Variants in TMPRSS15 observed in about 807,000 individuals in gnomAD.
TMPRSS15 encodes the protein enteropeptidase.
Under a neutral mutation model 125.3 loss-of-function variants are expected in TMPRSS15, and 128 were observed. That is an observed-to-expected ratio of 1.02 (90% confidence interval 0.89 to 1.18). The LOEUF (loss-of-function observed/expected upper bound fraction) is 1.18. Ranked by LOEUF, TMPRSS15 falls within the 50% of genes most tolerant of loss-of-function variation. The pLI, the probability that TMPRSS15 is intolerant of heterozygous loss-of-function variation, is 0.00. For synonymous variants in TMPRSS15, 446 were observed against 423.2 expected, an observed-to-expected ratio of 1.05 and a Z score of -0.66; for missense variants, 1,283 against 1,212.7, an observed-to-expected ratio of 1.06 and a Z score of -0.86.
At chr21:18,396,850 CT>C (rs1324236713) in intron 3 of TMPRSS15, among the ~76,000 whole-genome samples, 2 of 149,224 alleles carry the variant, frequency 1.3e-5, no homozygotes, top group Admixed American at 6.7e-5. Context: ...ATCTATCTAT[CT>C]TAAGTCACAA....
intron 12 of TMPRSS15, among the ~76,000 whole-genome samples, chr21:18,342,998 C>G (rs895942739): frequency 3.3e-5 from 5 of 152,138 alleles, no homozygotes; most frequent in African/African-American, 1.2e-4. Context: ...ATTAATTCAC[C>G]TTAATGTGAA....
upstream of TMPRSS15, among the ~76,000 whole-genome samples, chr21:18,406,368 A>G (rs1400894994): frequency 6.6e-6 from 1 of 152,200 alleles, no homozygotes; most frequent in Non-Finnish European, 1.5e-5. Context: ...CATCCAGGGA[A>G]GCTGACTTCA....
At chr21:18,425,568 GTGA>G (rs1238046079) in intron 1 of TMPRSS15, among the ~76,000 whole-genome samples, 3 of 152,108 alleles carry the variant, frequency 2.0e-5, no homozygotes, top group African/African-American at 7.2e-5. Flanking sequence ...GTCCATTTCT[GTGA>G]TGGTCTTACA....
At chr21:18,451,940 C>T (rs937968904) in intron 1 of TMPRSS15, among the ~76,000 whole-genome samples, 3 of 152,248 alleles carry the variant, frequency 2.0e-5, no homozygotes, top group Non-Finnish European at 2.9e-5. Context: ...TATGCAAATG[C>T]AAACTTATGC....
chr21:18,435,827 C>T (rs1479275391), intron 1 of TMPRSS15, among the ~76,000 whole-genome samples: 2 of 151,962 alleles, frequency 1.3e-5, no homozygotes, highest in Admixed American at 1.3e-4. Context: ...TTGGTCTATT[C>T]AGAGATTCGA....
At chr21:18,287,937 G>C (rs2074785392) in intron 21 of TMPRSS15, among the ~76,000 whole-genome samples, 3 of 151,904 alleles carry the variant, frequency 2.0e-5, no homozygotes, top group African/African-American at 7.3e-5. Context: ...ATTTATCAGA[G>C]AACTAAGAAT....
chr21:18,339,817 T>C (rs1250127282), intron 13 of TMPRSS15, among the ~76,000 whole-genome samples: 2 of 152,192 alleles, frequency 1.3e-5, no homozygotes, highest in Non-Finnish European at 1.5e-5. Context: ...AATCTGAAAG[T>C]AGTATGAAGT....
intron 3 of TMPRSS15, among the ~76,000 whole-genome samples, chr21:18,388,321 C>T (rs1421911980): frequency 6.6e-6 from 1 of 152,028 alleles, no homozygotes; most frequent in Admixed American, 6.6e-5. Context: ...TCCCTAAGCT[C>T]AAATAATTTA....
chr21:18,411,292 A>G (rs2076165390), intron 1 of TMPRSS15, among the ~76,000 whole-genome samples: 1 of 152,152 alleles, frequency 6.6e-6, no homozygotes, highest in Non-Finnish European at 1.5e-5. Flanking sequence ...CCAGCTGTAT[A>G]TATAAGGATT....
At chr21:18,346,661 G>A (rs566688822) in intron 10 of TMPRSS15, among the ~76,000 whole-genome samples, 3 of 152,062 alleles carry the variant, frequency 2.0e-5, no homozygotes, top group Admixed American at 6.6e-5. Context: ...TGTCTGTTGC[G>A]CTATCTCACC....
Position 18,281,016 on chromosome 21 carries a change from C to A in TMPRSS15, c.2668+24G>T, listed in dbSNP as rs115146157. 2.3e-3 allele frequency: 3,701 copies of A among 1,599,308 alleles called. 75 individuals are homozygous for A. The African/African-American group carries it at 0.046, about 20-fold the overall frequency. ...GAATTAATTTTGGCAGATAAGATGA[C>A]TAAGAGTGATTTTTTTTTTTTACCT... On this transcript the variant is annotated intron_variant, in intron 22 of 24. Transcript: ENST00000284885.
chr21:18,290,501 G>GT (rs113258707), intron 21 of TMPRSS15, among the ~76,000 whole-genome samples: 2,613 of 144,030 alleles, frequency 0.018, 69 homozygotes, highest in African/African-American at 0.057. Context: ...AAGCTTGAGG[G>GT]TTTTTTTTTT....
chr21:18,361,277 T>C (rs139026396), intron 7 of TMPRSS15, among the ~76,000 whole-genome samples: 2 of 152,260 alleles, frequency 1.3e-5, no homozygotes, highest in African/African-American at 4.8e-5. Flanking sequence ...CTCCTCCAAG[T>C]GCTTTGTAAG....
chr21:18,416,129 G>A (rs1271822519), intron 1 of TMPRSS15, among the ~76,000 whole-genome samples: 1 of 151,930 alleles, frequency 6.6e-6, no homozygotes, highest in Non-Finnish European at 1.5e-5. Context: ...AAACATTGAT[G>A]ACGGAAATTA....
At chr21:18,311,120 T>A (rs971578559) in intron 18 of TMPRSS15, among the ~76,000 whole-genome samples, 2 of 151,888 alleles carry the variant, frequency 1.3e-5, no homozygotes, top group Non-Finnish European at 2.9e-5. Context: ...ATACCTAAAA[T>A]GTTGAAACCA....
chr21:18,350,081 T>A (rs1174073661), intron 10 of TMPRSS15, among the ~76,000 whole-genome samples: 24 of 152,136 alleles, frequency 1.6e-4, no homozygotes, highest in Admixed American at 1.4e-3. Flanking sequence ...AACTTTTTTT[T>A]AATTACAGTA....
At chr21:18,459,135 A>T (rs1330196576) in intron 1 of TMPRSS15, among the ~76,000 whole-genome samples, 3 of 152,112 alleles carry the variant, frequency 2.0e-5, no homozygotes, top group Admixed American at 6.5e-5. Context: ...GTGGATATTC[A>T]TTTACTCCAG....
At chr21:18,413,978 T>C (rs140033581) in intron 1 of TMPRSS15, among the ~76,000 whole-genome samples, 129 of 152,346 alleles carry the variant, frequency 8.5e-4, no homozygotes, top group African/African-American at 2.9e-3. Flanking sequence ...CTTACTTGTT[T>C]ATGTGATAGT....
At chr21:18,434,712 A>G (rs1008424154) in intron 1 of TMPRSS15, among the ~76,000 whole-genome samples, 5 of 152,072 alleles carry the variant, frequency 3.3e-5, no homozygotes, top group Non-Finnish European at 7.4e-5. Flanking sequence ...ATATCATTTG[A>G]TAAACATCTT....
Sources: allele counts gnomAD v4.1 joint callset (sites outside exome capture counted in the v4.1 genomes callset), GRCh38; gene constraint gnomAD v4.1.1; transcripts MANE v1.5; gene names NCBI Gene and HGNC (gene_info 2026-07-23, HGNC 2026-07-21).